TM4SF5: variants seen among roughly 807,000 people sequenced by gnomAD.
TM4SF5 encodes transmembrane 4 L6 family member 5.
Under a neutral mutation model 22.3 loss-of-function variants are expected in TM4SF5, and 16 were observed. The observed-to-expected ratio is 0.72, with a 90% CI of 0.49 to 1.09. The LOEUF (loss-of-function observed/expected upper bound fraction) is 1.09. Among genes scored for constraint, TM4SF5 ranks in the 50% least tolerant of loss-of-function variants. The pLI is 0.00. For missense variants in TM4SF5, 249 were observed against 266.1 expected, an observed-to-expected ratio of 0.94 and a Z score of 0.45; for synonymous variants, 113 against 109.6, an observed-to-expected ratio of 1.03 and a Z score of -0.19.
chr17:4,782,768 T>C (rs1343919176), intron 3 of TM4SF5, 86 bp from the exon 4 acceptor site: 4 of 1,570,214 alleles, frequency 2.5e-6, no homozygotes, highest in African/African-American at 2.7e-5. Flanking sequence ...ACCTGGGCCT[T>C]AGCAAATCCC....
chr17:4,772,908 T>A (rs1734665880), intron 1 of TM4SF5, among the ~76,000 whole-genome samples: 1 of 151,742 alleles, frequency 6.6e-6, no homozygotes, highest in Non-Finnish European at 1.5e-5. Context: ...TTATTTTTAT[T>A]ATTATTATTT....
At chr17:4,776,681 A>G (rs1028255701) in intron 1 of TM4SF5, among the ~76,000 whole-genome samples, 2 of 152,214 alleles carry the variant, frequency 1.3e-5, no homozygotes, top group African/African-American at 4.8e-5. Flanking sequence ...ATTCTTGTAG[A>G]TGTATTTAGG....
intron 1 of TM4SF5, among the ~76,000 whole-genome samples, chr17:4,778,207 A>T (rs1006959406): frequency 6.6e-6 from 1 of 152,206 alleles, no homozygotes; most frequent in Non-Finnish European, 1.5e-5. Context: ...AGACAGGAAG[A>T]AGAGAGAGCA....
intron 1 of TM4SF5, among the ~76,000 whole-genome samples, chr17:4,774,648 C>T (rs573520541): frequency 6.6e-6 from 1 of 152,216 alleles, no homozygotes; most frequent in South Asian, 2.1e-4. Flanking sequence ...TGGCTCATGC[C>T]TGTAATCCCA....
chr17:4,779,430 AAAAG>A (rs1361343256), intron 1 of TM4SF5, among the ~76,000 whole-genome samples: 1 of 152,138 alleles, frequency 6.6e-6, no homozygotes, highest in African/African-American at 2.4e-5. Context: ...CCCTGTTTCA[AAAAG>A]AAAGAAAGAA....
At chr17:4,782,051 T>C (rs1320442579) in intron 2 of TM4SF5, among the ~76,000 whole-genome samples, 1 of 150,978 alleles carries the variant, frequency 6.6e-6, no homozygotes, top group African/African-American at 2.4e-5. Flanking sequence ...AGTGCTGTGG[T>C]TCTGCAAGGA....
intron 1 of TM4SF5, among the ~76,000 whole-genome samples, chr17:4,779,139 G>A (rs1454454136): frequency 1.3e-5 from 2 of 151,952 alleles, no homozygotes; most frequent in Non-Finnish European, 2.9e-5. Flanking sequence ...GAAAAGACCA[G>A]TTGAAAGCTA....
intron 2 of TM4SF5, 144 bp downstream of exon 2, chr17:4,781,013 C>G (rs34240929): frequency 1.5e-6 from 1 of 657,724 alleles, no homozygotes; most frequent in African/African-American, 1.9e-5. Flanking sequence ...ATCCCTATCT[C>G]TACTAACAAT....
chr17:4,773,658 C>T lies in TM4SF5; in HGVS notation c.177+1559C>T, dbSNP rs370388012. On this transcript the variant is annotated intron_variant, in intron 1 of 4. Transcript: ENST00000270560. ...ACTCTCTAGTATCTTTTCTTCTACTCCCTCCTCCTGCATGGATTCTTGGCT... is the reference window on the plus strand; with the variant it reads ...ACTCTCTAGTATCTTTTCTTCTACTTCCTCCTCCTGCATGGATTCTTGGCT... Among the ~76,000 whole-genome samples, 18 of 152,264 alleles carry T rather than the reference C, an allele frequency of 1.2e-4. No homozygotes were observed. In the East Asian group the frequency reaches 3.5e-3, roughly 29 times the overall value.
In TM4SF5 at chr17:4,780,802, G is replaced by A. The variant is rs1439583158; in HGVS notation, c.191G>A (p.Gly64Glu). The change falls in exon 2 of 5, where the codon GGG becomes GAG. Residue 64 changes from glycine (G) to glutamate (E), a missense_variant. Gly to Glu is a moderately conservative substitution (Grantham distance 98). Transcript: ENST00000270560. ...CTTGTCCCACAGGTACTGTGTCCGG[G>A]GATTGCAGCCGTTCGGGCAGGGGGC... ...IGGGLMVLCPGIAAVRAGGKG... is the reference protein window; with the variant it reads ...IGGGLMVLCPEIAAVRAGGKG... 2 of 1,610,678 alleles carry A rather than the reference G, an allele frequency of 1.2e-6. No individual in the cohort carries two copies. Among genetic ancestry groups the A allele is most frequent in the African/African-American group, 1.3e-5 (1 of 74,780 alleles).
At chr17:4,774,498 C>A (rs1334427410) in intron 1 of TM4SF5, among the ~76,000 whole-genome samples, 2 of 149,850 alleles carry the variant, frequency 1.3e-5, no homozygotes, top group Admixed American at 1.3e-4. Flanking sequence ...TGAGCTATGA[C>A]CACGCGCCAC....
rs767095074 is a variant in TM4SF5, at chr17:4,780,777, C to T, written c.178-12C>T. 1 of 1,605,944 alleles carries T rather than the reference C, an allele frequency of 6.2e-7. No individual in the cohort carries two copies. Among genetic ancestry groups the T allele is most frequent in the Admixed American group, 1.7e-5 (1 of 58,992 alleles). On this transcript the variant is annotated splice_polypyrimidine_tract_variant and intron_variant, in intron 1 of 4. Coordinates refer to ENST00000270560, the MANE Select transcript of TM4SF5 (RefSeq NM_003963.3). ...GGGGGGACGTGCTATAACAATGACT[C>T]TTGTCCCACAGGTACTGTGTCCGGG...
chr17:4,777,906 G>A (rs1413508161), intron 1 of TM4SF5, among the ~76,000 whole-genome samples: 1 of 151,920 alleles, frequency 6.6e-6, no homozygotes, highest in African/African-American at 2.4e-5. Context: ...AATTAGCTGA[G>A]TGTGGTGGTA....
intron 2 of TM4SF5, 95 bp from the exon 3 acceptor site, chr17:4,782,408 G>T: frequency 6.8e-7 from 1 of 1,467,916 alleles, no homozygotes. Context: ...AACCCGACTG[G>T]AGCAGATTTC....
intron 2 of TM4SF5, 82 bp downstream of exon 2, chr17:4,780,951 G>A (rs1917293938): frequency 8.1e-7 from 1 of 1,227,622 alleles, no homozygotes; most frequent in Non-Finnish European, 1.2e-6. Flanking sequence ...AGGCTGAGGT[G>A]GGAGTACGGC....
Position 4,780,852 on chromosome 17 carries a change from T to C in TM4SF5, c.241T>C (p.Cys81Arg). 6.2e-7 allele frequency: 1 copy of C among 1,611,978 alleles called. No individual in the cohort carries two copies. Among genetic ancestry groups the C allele is most frequent in the Non-Finnish European group, 8.5e-7 (1 of 1,179,006 alleles). The change falls in exon 2 of 5, where the codon TGT becomes CGT. Residue 81 changes from cysteine to arginine, a missense_variant. Physicochemically the swap from Cys to Arg is radical, Grantham distance 180. Coordinates refer to ENST00000270560, the MANE Select transcript of TM4SF5 (RefSeq NM_003963.3). Reference sequence around the variant, plus strand: ...CAAGGGCTGCTGTGGTGCTGGGTGCTGTGGAAACCGCTGCAGGGTAAGATC... The same window carrying C: ...CAAGGGCTGCTGTGGTGCTGGGTGCCGTGGAAACCGCTGCAGGGTAAGATC... ...GGKGCCGAGC[C>R]GNRCRMLRSV...
At chr17:4,773,093 C>CG in intron 1 of TM4SF5, among the ~76,000 whole-genome samples, 2 of 152,064 alleles carry the variant, frequency 1.3e-5, no homozygotes, top group South Asian at 4.2e-4. Flanking sequence ...TCAGTAGAGA[C>CG]AGGGTTTCGC....
intron 1 of TM4SF5, 35 bp from the exon 2 acceptor site, chr17:4,780,754 G>A: frequency 1.3e-6 from 2 of 1,572,448 alleles, no homozygotes; most frequent in South Asian, 1.2e-5. Context: ...GAGGATCTGG[G>A]GGGACGTGCT....
chr17:4,778,620 A>C (rs1446654127), intron 1 of TM4SF5, among the ~76,000 whole-genome samples: 1 of 152,064 alleles, frequency 6.6e-6, no homozygotes. Context: ...AAGCAAACAC[A>C]CACACACACG....
Sources: gnomAD v4.1 joint callset for allele counts (sites outside exome capture counted in the v4.1 genomes callset) on GRCh38, gnomAD v4.1.1 for gene constraint, MANE v1.5 for transcripts, NCBI Gene and HGNC (gene_info 2026-07-23, HGNC 2026-07-21) for gene names.